EYA4: variants seen among roughly 807,000 people sequenced by gnomAD.
The protein encoded by EYA4 is protein phosphatase EYA4.
Under a neutral mutation model 87.9 loss-of-function variants are expected in EYA4, and 31 were observed. The observed-to-expected ratio is 0.35, with a 90% CI of 0.27 to 0.48. The LOEUF (loss-of-function observed/expected upper bound fraction) is 0.48, where lower values mean the gene tolerates loss of function less well. Ranked by LOEUF, EYA4 falls within the 20% of genes least tolerant of loss-of-function variation. The pLI is 0.99. For missense variants in EYA4, 678 were observed against 761.4 expected (o/e 0.89, Z 1.29); for synonymous variants, 263 against 270.6 (o/e 0.97, Z 0.28).
In EYA4 at chr6:133,293,150, C is replaced by G. The variant is rs114419913; in HGVS notation, c.33+18337C>G. On this transcript the variant is annotated intron_variant, in intron 2 of 19. Coordinates refer to ENST00000355286, the MANE Select transcript of EYA4 (RefSeq NM_004100.5). Reference sequence around the variant, plus strand: ...TTGTCTTCAGCATCCTCAATTCCTCCTACTTCATTTTGCAGAAATTTAGCT... The same window carrying G: ...TTGTCTTCAGCATCCTCAATTCCTCGTACTTCATTTTGCAGAAATTTAGCT... Among the ~76,000 whole-genome samples, 981 of 152,228 alleles carry G rather than the reference C, an allele frequency of 6.4e-3. 8 individuals carry two copies. The highest frequency in any genetic ancestry group is 0.021 in the African/African-American group (882 of 41,536).
intron 2 of EYA4, among the ~76,000 whole-genome samples, chr6:133,356,918 C>G (rs1370174568): frequency 6.6e-6 from 1 of 151,364 alleles, no homozygotes; most frequent in Non-Finnish European, 1.5e-5. Context: ...TTCTTTTTGG[C>G]TAATCTGAGT....
At chr6:133,325,093 G>A (rs935809668) in intron 2 of EYA4, 6 of 152,190 alleles carry the variant, frequency 3.9e-5, no homozygotes, top group African/African-American at 4.8e-5. Context: ...TGTATTTTTA[G>A]TAAAGACGGG....
At chr6:133,520,719 T>C (rs1411589842) in intron 17 of EYA4, among the ~76,000 whole-genome samples, 3 of 151,708 alleles carry the variant, frequency 2.0e-5, no homozygotes, top group Non-Finnish European at 2.9e-5. Context: ...GGCATCACAC[T>C]ACCTGACTTC....
chr6:133,484,211 A>C (rs931736783), intron 13 of EYA4, among the ~76,000 whole-genome samples: 3 of 152,246 alleles, frequency 2.0e-5, no homozygotes, highest in African/African-American at 7.2e-5. Flanking sequence ...ATGTTGGCTT[A>C]CTGTCAGTTA....
At chr6:133,517,321 A>G (rs1377287429) in intron 17 of EYA4, among the ~76,000 whole-genome samples, 1 of 150,892 alleles carries the variant, frequency 6.6e-6, no homozygotes, top group Non-Finnish European at 1.5e-5. Context: ...ACAACCCCCC[A>G]TGACACAAGT....
chr6:133,511,401 G>A (rs1799123759), intron 14 of EYA4, among the ~76,000 whole-genome samples: 1 of 151,876 alleles, frequency 6.6e-6, no homozygotes, highest in South Asian at 2.1e-4. Flanking sequence ...CTTTGAGGGG[G>A]ACTAAGGAGG....
chr6:133,260,902 C>T (rs1775747942), intron 1 of EYA4, among the ~76,000 whole-genome samples: 1 of 152,144 alleles, frequency 6.6e-6, no homozygotes, highest in Non-Finnish European at 1.5e-5. Flanking sequence ...CTTGCTTTTG[C>T]TTCCTGCCCA....
At chr6:133,323,207 A>G (rs1781233427) in intron 2 of EYA4, among the ~76,000 whole-genome samples, 1 of 152,050 alleles carries the variant, frequency 6.6e-6, no homozygotes, top group Admixed American at 6.6e-5. Context: ...CTCTTTTTAG[A>G]ATAAGCTCTT....
rs569407093 is a variant in EYA4, at chr6:133,486,009, T to A, written c.1191+2894T>A. Among the ~76,000 whole-genome samples the A allele has an allele frequency of 2.0e-5, 3 of 152,358 alleles. No individual in the cohort carries two copies. The South Asian group carries it at 6.2e-4, about 32-fold the overall frequency. ...TTACAGCATTCTGACTCTGGCAAAT[T>A]ACTTAAATCTTCAGTTTCAAAATCT... On this transcript the variant is annotated intron_variant, in intron 13 of 19. Transcript: ENST00000355286.
intron 2 of EYA4, among the ~76,000 whole-genome samples, chr6:133,323,073 CGTGTGTGTGTGTGTGT>C (rs141727232): frequency 2.0e-5 from 3 of 149,180 alleles, no homozygotes; most frequent in Non-Finnish European, 4.5e-5. Context: ...GTATAAAATC[CGTGTGTGTGTGTGTGT>C]GTGTGTTTGT....
chr6:133,517,926 G>A (rs1181732168), intron 17 of EYA4, among the ~76,000 whole-genome samples: 1 of 152,188 alleles, frequency 6.6e-6, no homozygotes, highest in Non-Finnish European at 1.5e-5. Flanking sequence ...ATTTCTCCCT[G>A]TGTCTGGAAA....
chr6:133,320,363 T>C (rs765451192), intron 2 of EYA4, among the ~76,000 whole-genome samples: 97 of 152,148 alleles, frequency 6.4e-4, no homozygotes, highest in Non-Finnish European at 2.5e-4. Flanking sequence ...GACCTTAGCA[T>C]GTTATAAATG....
At chr6:133,333,312 A>G (rs1322977700) in intron 2 of EYA4, among the ~76,000 whole-genome samples, 2 of 152,220 alleles carry the variant, frequency 1.3e-5, no homozygotes, top group Admixed American at 1.3e-4. Context: ...TCTGTCAGAC[A>G]CTTGAAGGAG....
intron 2 of EYA4, among the ~76,000 whole-genome samples, chr6:133,344,844 G>A (rs1010049312): frequency 2.6e-5 from 4 of 151,912 alleles, no homozygotes; most frequent in African/African-American, 9.7e-5. Context: ...AATGTGAATG[G>A]TATGAAATTA....
At chr6:133,362,561 TAGC>T (rs1458342495) in intron 2 of EYA4, among the ~76,000 whole-genome samples, 8 of 152,046 alleles carry the variant, frequency 5.3e-5, no homozygotes, top group African/African-American at 1.9e-4. Flanking sequence ...TTAAAAAAAA[TAGC>T]TGCTGCGCAG....
At chr6:133,414,470 G>T (rs1220418946) in intron 3 of EYA4, among the ~76,000 whole-genome samples, 1 of 152,080 alleles carries the variant, frequency 6.6e-6, no homozygotes, top group East Asian at 1.9e-4. Context: ...ACTAGACTTT[G>T]AGCTTCTCAT....
chr6:133,307,485 G>A (rs1779898572), intron 2 of EYA4, among the ~76,000 whole-genome samples: 2 of 152,168 alleles, frequency 1.3e-5, no homozygotes, highest in Admixed American at 1.3e-4. Context: ...ATGATAACAG[G>A]TAGCTATTTA....
intron 3 of EYA4, among the ~76,000 whole-genome samples, chr6:133,405,956 ATT>A (rs1788664818): frequency 6.6e-6 from 1 of 152,064 alleles, no homozygotes; most frequent in Admixed American, 6.6e-5. Flanking sequence ...TGTCTGTTGT[ATT>A]TTAGGAACTG....
rs138072767 is a variant in EYA4, at chr6:133,417,254, C to T, written c.84-29376C>T. Among the ~76,000 whole-genome samples the T allele has an allele frequency of 3.9e-3, 594 of 152,208 alleles. 3 individuals are homozygous for T. The highest frequency in any genetic ancestry group is 0.013 in the African/African-American group (535 of 41,530). ...CATTTCAGGCAGAACCAACACTAGA[C>T]GTTAACTTCTTGGGTCATTGGGTCA... is the stretch of plus-strand genomic sequence containing the variant. On this transcript the variant is annotated intron_variant, in intron 3 of 19. Transcript: ENST00000355286.
Sources: allele counts gnomAD v4.1 joint callset (sites outside exome capture counted in the v4.1 genomes callset), GRCh38; gene constraint gnomAD v4.1.1; transcripts MANE v1.5; gene names NCBI Gene and HGNC (gene_info 2026-07-23, HGNC 2026-07-21).